GPBP1: variants seen among roughly 807,000 people sequenced by gnomAD.
GPBP1 encodes the protein vasculin.
GPBP1 carries 13 observed loss-of-function variants against 56.5 expected under a neutral mutation model. The observed-to-expected ratio is 0.23, with a 90% CI of 0.15 to 0.37. The LOEUF is 0.37. Among genes scored for constraint, GPBP1 ranks in the 10% least tolerant of loss-of-function variants. The probability of loss-of-function intolerance (pLI) is 1.00; values close to 1 mark genes in which losing one functional copy is unlikely to be tolerated. For synonymous variants in GPBP1, 204 were observed against 188.9 expected, an observed-to-expected ratio of 1.08 and a Z score of -0.66; for missense variants, 477 against 572.3, an observed-to-expected ratio of 0.83 and a Z score of 1.70.
chr5:57,261,404 TTA>T, intron 11 of GPBP1, 122 bp downstream of exon 11: 1 of 611,292 alleles, frequency 1.6e-6, no homozygotes. Flanking sequence ...AGAATTGCTT[TTA>T]AAAAAAAAAA....
intron 2 of GPBP1, among the ~76,000 whole-genome samples, chr5:57,198,280 T>G (rs933849794): frequency 6.6e-6 from 1 of 152,230 alleles, no homozygotes; most frequent in Non-Finnish European, 1.5e-5. Flanking sequence ...TCAGTTATTA[T>G]GCTTTCATTT....
chr5:57,231,255 A>T lies in GPBP1; in HGVS notation c.345A>T (p.Ile115=). ...GCCAAGGACTACATGAAAACAACAT[A>T]CCTGACAATGAAACCGGGAGGAAAG... ...GKSQGLHENN[I]PDNETGRKED... The change falls in exon 5 of 12, where the codon ATA becomes ATT. Residue 115 remains isoleucine (I), a synonymous_variant. Coordinates refer to ENST00000506184, the MANE Select transcript of GPBP1 (RefSeq NM_022913.4). The T allele has an allele frequency of 6.2e-7, 1 of 1,614,128 alleles. No homozygotes were observed. The highest frequency in any genetic ancestry group is 8.5e-7 in the Non-Finnish European group (1 of 1,179,978).
At chr5:57,192,883 T>A (rs920870753) in intron 2 of GPBP1, among the ~76,000 whole-genome samples, 3 of 152,176 alleles carry the variant, frequency 2.0e-5, no homozygotes, top group African/African-American at 7.2e-5. Flanking sequence ...TCCAGAGCAG[T>A]TAAGAGTTTC....
chr5:57,175,667 G>T lies in GPBP1; in HGVS notation c.-791G>T, dbSNP rs1006308896. 3 of 396,332 alleles carry T rather than the reference G, an allele frequency of 7.6e-6. No individual in the cohort carries two copies. Among genetic ancestry groups the T allele is most frequent in the Admixed American group, 4.4e-5 (1 of 22,672 alleles). 24.6% of individuals were successfully genotyped at this position (396,332 alleles called of 1,614,324 possible). ...CAGGCAGCATTTCTTCAGTATTTTG[G>T]TTCAAACGGATTATATAACTGGTTA... is the stretch of plus-strand genomic sequence containing the variant. On this transcript the variant is annotated 5_prime_UTR_variant, in exon 2 of 12. Coordinates refer to ENST00000506184, the MANE Select transcript of GPBP1 (RefSeq NM_022913.4).
intron 2 of GPBP1, among the ~76,000 whole-genome samples, chr5:57,198,790 G>A (rs556188975): frequency 9.9e-5 from 15 of 152,258 alleles, no homozygotes; most frequent in African/African-American, 3.6e-4. Flanking sequence ...AGAGGTTGTA[G>A]CCTGGGTGAC....
intron 2 of GPBP1, among the ~76,000 whole-genome samples, chr5:57,190,531 C>CT (rs1356155169): frequency 6.6e-6 from 1 of 151,042 alleles, no homozygotes; most frequent in Non-Finnish European, 1.5e-5. Flanking sequence ...TTGCAGTGAG[C>CT]TGAGATCACG....
At chr5:57,222,587 T>A (rs1329422068) in intron 3 of GPBP1, among the ~76,000 whole-genome samples, 1 of 152,198 alleles carries the variant, frequency 6.6e-6, no homozygotes, top group Non-Finnish European at 1.5e-5. Flanking sequence ...GAAATTCATC[T>A]CTTTTTAGTG....
At chr5:57,177,648 C>CTTTTTT (rs58708281) in intron 2 of GPBP1, among the ~76,000 whole-genome samples, 1,004 of 92,118 alleles carry the variant, frequency 0.011, 60 homozygotes, top group African/African-American at 0.015. Flanking sequence ...CAATTTTTGC[C>CTTTTTT]TTTTTTTTTT....
intron 10 of GPBP1, among the ~76,000 whole-genome samples, chr5:57,259,261 A>G (rs984550184): frequency 2.6e-5 from 4 of 152,268 alleles, no homozygotes; most frequent in African/African-American, 9.6e-5. Flanking sequence ...TACTTATATG[A>G]TCTTGATTGT....
chr5:57,204,986 C>T (rs1041654598), intron 2 of GPBP1, among the ~76,000 whole-genome samples: 5 of 152,122 alleles, frequency 3.3e-5, no homozygotes, highest in Non-Finnish European at 7.4e-5. Flanking sequence ...AAGTTAATCA[C>T]TTAAAGCATA....
intron 10 of GPBP1, among the ~76,000 whole-genome samples, chr5:57,257,126 C>T (rs763089527): frequency 1.3e-5 from 2 of 151,734 alleles, no homozygotes; most frequent in Admixed American, 6.6e-5. Flanking sequence ...CTCCACCTCC[C>T]GGGTTCAAGT....
intron 6 of GPBP1, among the ~76,000 whole-genome samples, chr5:57,236,452 G>A (rs1756665850): frequency 6.6e-6 from 1 of 151,174 alleles, no homozygotes; most frequent in South Asian, 2.1e-4. Flanking sequence ...TATGAAAGTG[G>A]TTACGTATAT....
intron 2 of GPBP1, among the ~76,000 whole-genome samples, chr5:57,181,531 T>A (rs1445136478): frequency 8.0e-5 from 12 of 149,302 alleles, no homozygotes; most frequent in Admixed American, 2.0e-4. Context: ...CCTAATACTT[T>A]GGGAGCCTGA....
At chr5:57,212,050 C>T (rs1028987601) in intron 2 of GPBP1, among the ~76,000 whole-genome samples, 5 of 152,080 alleles carry the variant, frequency 3.3e-5, no homozygotes, top group African/African-American at 1.2e-4. Flanking sequence ...GATTTTCCTG[C>T]GTCAGCCCCC....
chr5:57,205,392 C>T (rs754649461), intron 2 of GPBP1, among the ~76,000 whole-genome samples: 8 of 152,166 alleles, frequency 5.3e-5, no homozygotes, highest in Non-Finnish European at 7.3e-5. Context: ...TGGTGTACAA[C>T]AATTTGAGCA....
intron 2 of GPBP1, among the ~76,000 whole-genome samples, chr5:57,199,492 TCTC>T (rs1754904928): frequency 6.6e-6 from 1 of 151,994 alleles, no homozygotes; most frequent in Admixed American, 6.6e-5. Context: ...AGGTGACACT[TCTC>T]CTTCCTTTAA....
At chr5:57,199,489 A>C (rs78002543) in intron 2 of GPBP1, among the ~76,000 whole-genome samples, 1 of 151,684 alleles carries the variant, frequency 6.6e-6, no homozygotes, top group African/African-American at 2.4e-5. Flanking sequence ...GAAAGGTGAC[A>C]CTTCTCCTTC....
At chr5:57,183,605 T>C (rs972537198) in intron 2 of GPBP1, among the ~76,000 whole-genome samples, 2 of 152,028 alleles carry the variant, frequency 1.3e-5, no homozygotes, top group South Asian at 2.1e-4. Flanking sequence ...ATTGTATCAC[T>C]GCACTGTAGC....
chr5:57,243,886 A>G (rs1012540864), intron 6 of GPBP1, among the ~76,000 whole-genome samples: 1 of 151,748 alleles, frequency 6.6e-6, no homozygotes, highest in African/African-American at 2.4e-5. Context: ...ACAAAGTTTC[A>G]CTATATTGCC....
Sources: allele counts gnomAD v4.1 joint callset (sites outside exome capture counted in the v4.1 genomes callset), GRCh38; gene constraint gnomAD v4.1.1; transcripts MANE v1.5; gene names NCBI Gene and HGNC (gene_info 2026-07-23, HGNC 2026-07-21).